ZNF793: variants seen among roughly 807,000 people sequenced by gnomAD.
ZNF793 encodes zinc finger protein 793.
Under a neutral mutation model 12.4 loss-of-function variants are expected in ZNF793, and 5 were observed. That is an observed-to-expected ratio of 0.40 (90% CI 0.21 to 0.84). ZNF793 has a LOEUF of 0.84. ZNF793 is among the 40% of genes least tolerant of loss of function. The pLI, the probability that ZNF793 is intolerant of heterozygous loss-of-function variation, is 0.35. For missense variants in ZNF793, 456 were observed against 495.0 expected (o/e 0.92, Z 0.75); for synonymous variants, 162 against 172.4 (o/e 0.94, Z 0.47).
chr19:37,523,069 C>G (rs897009760), intron 4 of ZNF793, among the ~76,000 whole-genome samples: 1 of 152,016 alleles, frequency 6.6e-6, no homozygotes, highest in Non-Finnish European at 1.5e-5. Flanking sequence ...TCACCTAGGC[C>G]AGATTGCAGT....
chr19:37,533,229 T>A, intron 6 of ZNF793, 79 bp from the exon 7 acceptor site: 1 of 1,174,072 alleles, frequency 8.5e-7, no homozygotes, highest in Non-Finnish European at 1.3e-6. Context: ...ACATCTATTG[T>A]GCAGCCTTTA....
rs2042548718 is a variant in ZNF793 at position 37,541,039 on chromosome 19, ATATTG to A, written c.*3166_*3170del. On this transcript the variant is annotated 3_prime_UTR_variant, in exon 8 of 8. Coordinates refer to ENST00000627814, the MANE Select transcript of ZNF793 (RefSeq NM_001013659.3). ...ACATGAAGCCATTCTAATGAAATTAATATTGTATTGGCAAAGGAACAGGTAAATAC... is the reference window on the plus strand; with the variant it reads ...ACATGAAGCCATTCTAATGAAATTAATATTGGCAAAGGAACAGGTAAATAC... 1 of 152,130 alleles carries A rather than the reference ATATTG, an allele frequency of 6.6e-6. No homozygotes were observed. The highest frequency in any genetic ancestry group is 1.5e-5 in the Non-Finnish European group (1 of 68,034). 9.4% of individuals were successfully genotyped at this position (152,130 alleles called of 1,614,324 possible).
chr19:37,513,198 C>G (rs1291705222), intron 2 of ZNF793, among the ~76,000 whole-genome samples: 1 of 152,108 alleles, frequency 6.6e-6, no homozygotes, highest in African/African-American at 2.4e-5. Context: ...TATATTATTA[C>G]TAAGTATGTT....
chr19:37,521,118 G>T (rs1392213902), intron 3 of ZNF793, among the ~76,000 whole-genome samples: 1 of 150,860 alleles, frequency 6.6e-6, no homozygotes, highest in African/African-American at 2.4e-5. Context: ...CTCCCAAATA[G>T]CTGGGACTAC....
intron 2 of ZNF793, among the ~76,000 whole-genome samples, chr19:37,517,343 C>G (rs1156741858): frequency 6.6e-6 from 1 of 151,630 alleles, no homozygotes; most frequent in Non-Finnish European, 1.5e-5. Flanking sequence ...GTAATCCCAG[C>G]TACTTGGGAG....
In ZNF793 at chr19:37,523,475, C is replaced by T. The variant is rs1312728066; in HGVS notation, c.15+21C>T. The stretch of plus-strand genomic sequence containing the variant: ...ACCAGGTAAGTATCACATTAAGTAG[C>T]CCAGTTTTCCTTCCTGGGGAAACTG... On this transcript the variant is annotated intron_variant, in intron 5 of 7. Coordinates refer to ENST00000627814, the MANE Select transcript of ZNF793 (RefSeq NM_001013659.3). The T allele has an allele frequency of 3.7e-6, 6 of 1,612,288 alleles. No homozygotes were observed. The African/African-American group carries it at 6.7e-5, about 18-fold the overall frequency.
Position 37,537,789 on chromosome 19 carries a change from C to T in ZNF793, c.1131C>T (p.Tyr377=), listed in dbSNP as rs1180332899. The T allele has an allele frequency of 1.9e-6, 3 of 1,614,018 alleles. No homozygotes were observed. The highest frequency in any genetic ancestry group is 1.3e-5 in the African/African-American group (1 of 75,004). ...GCAATGAATGTGGGAAAGCTTTCTA[C>T]CAGAAGCCAAACCTCAGCAGACATC... ...YGCNECGKAF[Y]QKPNLSRHQK... is the part of the protein sequence containing the mutation. The change falls in exon 8 of 8, where the codon TAC becomes TAT. Residue 377 remains tyrosine (Y), a synonymous_variant. Coordinates refer to ENST00000627814, the MANE Select transcript of ZNF793 (RefSeq NM_001013659.3).
intron 5 of ZNF793, among the ~76,000 whole-genome samples, chr19:37,527,563 G>C (rs1568323690): frequency 6.6e-6 from 1 of 152,096 alleles, no homozygotes; most frequent in Non-Finnish European, 1.5e-5. Flanking sequence ...ATGGCACAGA[G>C]AGGCTAAATA....
intron 7 of ZNF793, chr19:37,535,102 C>T (rs1470381530): frequency 6.6e-6 from 1 of 152,290 alleles, no homozygotes; most frequent in Non-Finnish European, 1.5e-5. Flanking sequence ...TTAAGCAATT[C>T]TCTGCCTCAG....
chr19:37,537,191 A>G lies in ZNF793; in HGVS notation c.533A>G (p.His178Arg). 6.2e-7 allele frequency: 1 copy of G among 1,613,792 alleles called. No individual in the cohort carries two copies. The highest frequency in any genetic ancestry group is 1.1e-5 in the South Asian group (1 of 91,030). The change falls in exon 8 of 8, where the codon CAT (histidine) becomes CGT (arginine). Residue 178 changes from histidine to arginine, a missense_variant. Transcript: ENST00000627814. ...GGGAAATTGCTTCAGCGTATAAATC[A>G]TGGTAGACGACCTAATGGAGAAAAG... The part of the protein sequence containing the change: ...AYGKLLQRIN[H>R]GRRPNGEKPR...
intron 1 of ZNF793, among the ~76,000 whole-genome samples, chr19:37,507,798 C>A (rs1199154508): frequency 6.6e-6 from 1 of 152,110 alleles, no homozygotes; most frequent in Non-Finnish European, 1.5e-5. Context: ...GCAATCAGAT[C>A]GGATCGGTGT....
rs1361858138 is a variant in ZNF793 at position 37,541,393 on chromosome 19, T to C, written c.*3514T>C. 1.3e-5 allele frequency: 2 copies of C among 152,306 alleles called. No homozygotes were observed. Among genetic ancestry groups the C allele is most frequent in the African/African-American group, 4.8e-5 (2 of 41,450 alleles). The allele number at this position is 152,306 out of a possible 1,614,324, so 9.4% of individuals were successfully genotyped here. On this transcript the variant is annotated 3_prime_UTR_variant, in exon 8 of 8. Transcript: ENST00000627814. ...CAGAAGCTATTTAGAAATAAGCAGT[T>C]GAAGGCTGGGTGCAGTGGCTCATGC...
intron 2 of ZNF793, among the ~76,000 whole-genome samples, chr19:37,516,344 A>G (rs1358269757): frequency 1.3e-5 from 2 of 152,138 alleles, no homozygotes; most frequent in Non-Finnish European, 2.9e-5. Flanking sequence ...CATGTCAGTC[A>G]GGCTGGTCTC....
chr19:37,539,072 A>C lies in ZNF793; in HGVS notation c.*1193A>C, dbSNP rs2042534548. On this transcript the variant is annotated 3_prime_UTR_variant, in exon 8 of 8. Transcript: ENST00000627814. ...GAGGTTGTTACTGTCCTCTGCAGAA[A>C]TAATAAAGCAGTGTTTTTAAATGTA... 2 of 152,260 alleles carry C rather than the reference A, an allele frequency of 1.3e-5. No individual in the cohort carries two copies. The highest frequency in any genetic ancestry group is 1.3e-4 in the Admixed American group (2 of 15,290). The allele number at this position is 152,260 out of a possible 1,614,324, so 9.4% of individuals were successfully genotyped here. A position where few individuals can be genotyped will look rare whatever the true frequency, so the allele number is the denominator to read the frequency against.
At chr19:37,513,104 A>G (rs1372882073) in intron 2 of ZNF793, among the ~76,000 whole-genome samples, 1 of 152,188 alleles carries the variant, frequency 6.6e-6, no homozygotes, top group African/African-American at 2.4e-5. Flanking sequence ...GAAGGTACAC[A>G]GTGTTGGTTT....
intron 5 of ZNF793, among the ~76,000 whole-genome samples, chr19:37,530,940 T>A (rs1195025575): frequency 6.6e-6 from 1 of 152,184 alleles, no homozygotes; most frequent in Non-Finnish European, 1.5e-5. Flanking sequence ...GGAACATTTT[T>A]CAAAATTCTG....
chr19:37,516,515 G>A (rs1309470594), intron 2 of ZNF793, among the ~76,000 whole-genome samples: 2 of 152,136 alleles, frequency 1.3e-5, no homozygotes, highest in Non-Finnish European at 2.9e-5. Flanking sequence ...GAGTTCAAAT[G>A]TTAGGGACTG....
At chr19:37,517,590 C>G (rs912116613) in intron 2 of ZNF793, among the ~76,000 whole-genome samples, 1 of 152,040 alleles carries the variant, frequency 6.6e-6, no homozygotes, top group African/African-American at 2.4e-5. Flanking sequence ...GGGTCTGTAT[C>G]TCACTGCTGC....
At chr19:37,516,472 A>G (rs1413226408) in intron 2 of ZNF793, among the ~76,000 whole-genome samples, 1 of 151,756 alleles carries the variant, frequency 6.6e-6, no homozygotes, top group Non-Finnish European at 1.5e-5. Context: ...GAGCATCCAG[A>G]TGATGGTATC....
Sources: gnomAD v4.1 joint callset for allele counts (sites outside exome capture counted in the v4.1 genomes callset) on GRCh38, gnomAD v4.1.1 for gene constraint, MANE v1.5 for transcripts, NCBI Gene and HGNC (gene_info 2026-07-23, HGNC 2026-07-21) for gene names.